Variants in LRBA observed in about 807,000 individuals in gnomAD.
The protein encoded by LRBA is LPS responsive beige-like anchor protein, also known as lipopolysaccharide-responsive and beige-like anchor protein.
Under a neutral mutation model 330.0 loss-of-function variants are expected in LRBA, and 176 were observed. The ratio of observed to expected loss-of-function variants is 0.53; its 90% confidence interval spans 0.47 to 0.60. LRBA has a LOEUF of 0.60. LRBA is among the 20% of genes least tolerant of loss of function. The pLI, the probability that LRBA is intolerant of heterozygous loss-of-function variation, is 0.00. For synonymous variants in LRBA, 1,230 were observed against 1,193.0 expected (o/e 1.03, Z -0.64); for missense variants, 3,259 against 3,444.8 (o/e 0.95, Z 1.35).
chr4:150,465,109 A>C (rs925842725), intron 44 of LRBA, among the ~76,000 whole-genome samples: 2 of 152,020 alleles, frequency 1.3e-5, no homozygotes, highest in Admixed American at 1.3e-4. Flanking sequence ...TGTCTCTATA[A>C]ATTTCACAAC....
chr4:150,599,274 C>T, intron 37 of LRBA, 143 bp from the exon 38 acceptor site: 1 of 767,560 alleles, frequency 1.3e-6, no homozygotes, highest in East Asian at 2.7e-5. Context: ...TCACACTCCC[C>T]TTTCTGCAAT....
chr4:150,736,882 A>G (rs999573526), intron 35 of LRBA, among the ~76,000 whole-genome samples: 9 of 152,136 alleles, frequency 5.9e-5, no homozygotes, highest in Non-Finnish European at 1.0e-4. Context: ...TGGAAGCCAG[A>G]TAAGAATGCA....
intron 37 of LRBA, among the ~76,000 whole-genome samples, chr4:150,612,916 T>C (rs1372570440): frequency 1.3e-5 from 2 of 152,168 alleles, no homozygotes; most frequent in South Asian, 2.1e-4. Context: ...GAGCAAGAGA[T>C]TTTTGAGAAA....
intron 30 of LRBA, among the ~76,000 whole-genome samples, chr4:150,824,821 C>G (rs1291519742): frequency 6.6e-6 from 1 of 152,156 alleles, no homozygotes; most frequent in African/African-American, 2.4e-5. Flanking sequence ...GTCACCCAGG[C>G]TGGAGTGCAG....
At chr4:150,882,338 T>G (rs1185300861) in intron 17 of LRBA, among the ~76,000 whole-genome samples, 1 of 152,196 alleles carries the variant, frequency 6.6e-6, no homozygotes, top group Admixed American at 6.5e-5. Context: ...CCTATTTTGC[T>G]TTTTGACCAT....
chr4:150,451,872 T>C (rs879814582), intron 44 of LRBA, among the ~76,000 whole-genome samples: 1 of 152,064 alleles, frequency 6.6e-6, no homozygotes, highest in Non-Finnish European at 1.5e-5. Context: ...CCAAAACTCA[T>C]TAACAAAAAG....
At chr4:150,541,560 T>C (rs942700327) in intron 40 of LRBA, among the ~76,000 whole-genome samples, 13 of 151,104 alleles carry the variant, frequency 8.6e-5, no homozygotes, top group Admixed American at 8.5e-4. Context: ...TATTAAAAAA[T>C]AGAATAAATG....
chr4:150,568,132 C>G (rs1046321853), intron 40 of LRBA, among the ~76,000 whole-genome samples: 5 of 151,716 alleles, frequency 3.3e-5, no homozygotes, highest in African/African-American at 1.2e-4. Context: ...ATAGTGAGAC[C>G]CCGTCTCTAC....
At chr4:150,341,292 G>T (rs1379051797) in intron 48 of LRBA, among the ~76,000 whole-genome samples, 3 of 152,080 alleles carry the variant, frequency 2.0e-5, no homozygotes, top group Non-Finnish European at 4.4e-5. Flanking sequence ...CTCCTGAGAA[G>T]CTGGAACTAC....
intron 56 of LRBA, 50 bp from the exon 57 acceptor site, chr4:150,265,862 G>A: frequency 2.5e-6 from 3 of 1,194,682 alleles, no homozygotes; most frequent in Non-Finnish European, 3.8e-6. Context: ...GTGTCCTAGA[G>A]ATGTTACTAA....
At chr4:150,964,187 C>A (rs1213879031) in intron 2 of LRBA, among the ~76,000 whole-genome samples, 2 of 148,146 alleles carry the variant, frequency 1.4e-5, no homozygotes, top group African/African-American at 5.3e-5. Context: ...CTCTGCCCAG[C>A]CACCCCATCT....
intron 44 of LRBA, among the ~76,000 whole-genome samples, chr4:150,465,188 A>G (rs1755289870): frequency 6.6e-6 from 1 of 152,120 alleles, no homozygotes; most frequent in Non-Finnish European, 1.5e-5. Flanking sequence ...TTCACCTAGC[A>G]TAACATCCTC....
intron 36 of LRBA, among the ~76,000 whole-genome samples, chr4:150,715,481 A>G (rs1027377388): frequency 6.6e-6 from 1 of 152,234 alleles, no homozygotes; most frequent in African/African-American, 2.4e-5. Context: ...GCAAAGAAAA[A>G]TGTTCAAAGT....
Position 150,928,933 on chromosome 4 carries a change from T to C in LRBA, c.349A>G (p.Ile117Val), listed in dbSNP as rs138267366. 2.8e-5 allele frequency: 45 copies of C among 1,614,006 alleles called. No homozygotes were observed. The highest frequency in any genetic ancestry group is 7.7e-5 in the South Asian group (7 of 91,084). ...AGATTCCGTATGCTTTTCTTCAGAA[T>C]GGCTGTAAACATGCTCCAGACTTCT... ...QAEVWSMFTA[I>V]LKKSIRNLQV... The change falls in exon 3 of 57, where the codon ATT (isoleucine) becomes GTT (valine). Residue 117 changes from isoleucine to valine, a missense_variant. Transcript: ENST00000651943.
intron 13 of LRBA, among the ~76,000 whole-genome samples, chr4:150,904,465 A>T (rs1372139418): frequency 1.3e-5 from 2 of 152,214 alleles, no homozygotes; most frequent in African/African-American, 4.8e-5. Flanking sequence ...GAGAAAAGTT[A>T]TTAAAAAGTA....
At chr4:150,413,467 C>A (rs993716343) in intron 47 of LRBA, among the ~76,000 whole-genome samples, 3 of 152,056 alleles carry the variant, frequency 2.0e-5, no homozygotes, top group Non-Finnish European at 4.4e-5. Flanking sequence ...AAATTAACTA[C>A]TGATATATGC....
chr4:150,707,407 T>C (rs950485761), intron 36 of LRBA, among the ~76,000 whole-genome samples: 2 of 151,186 alleles, frequency 1.3e-5, no homozygotes, highest in African/African-American at 4.8e-5. Flanking sequence ...GCAAAAGAAA[T>C]TGGATGAAAC....
At chr4:150,887,511 C>T (rs939288925) in intron 17 of LRBA, among the ~76,000 whole-genome samples, 45 of 152,110 alleles carry the variant, frequency 3.0e-4, no homozygotes, top group Non-Finnish European at 4.6e-4. Context: ...TGGTGGCTCA[C>T]GTCTGTAATC....
chr4:150,476,607 A>G (rs2036552), intron 42 of LRBA, among the ~76,000 whole-genome samples: 21,998 of 152,134 alleles, frequency 0.14, 1,629 homozygotes, highest in Middle Eastern at 0.18. Flanking sequence ...GCAAAATAAC[A>G]TATCTCCTGG....
Sources: gnomAD v4.1 joint callset for allele counts (sites outside exome capture counted in the v4.1 genomes callset) on GRCh38, gnomAD v4.1.1 for gene constraint, MANE v1.5 for transcripts, NCBI Gene and HGNC (gene_info 2026-07-23, HGNC 2026-07-21) for gene names.